The following TESK2 variants were observed in gnomAD, a reference collection of about 807,000 sequenced individuals.
TESK2 encodes testis associated actin remodelling kinase 2.
A neutral mutation model predicts 57.1 loss-of-function variants in TESK2; 39 were observed. The ratio of observed to expected loss-of-function variants is 0.68; its 90% CI spans 0.53 to 0.89. The LOEUF (loss-of-function observed/expected upper bound fraction) is 0.89, where lower values mean the gene tolerates loss of function less well. Ranked by LOEUF, TESK2 falls within the 40% of genes least tolerant of loss-of-function variation. The probability of loss-of-function intolerance (pLI) is 0.00; values close to 1 mark genes in which losing one functional copy is unlikely to be tolerated. For missense variants in TESK2, 646 were observed against 732.1 expected, an observed-to-expected ratio of 0.88 and a Z score of 1.36; for synonymous variants, 249 against 267.9, an observed-to-expected ratio of 0.93 and a Z score of 0.69.
chr1:45,390,759 A>G (rs569684028), intron 3 of TESK2, among the ~76,000 whole-genome samples: 119 of 149,284 alleles, frequency 8.0e-4, no homozygotes, highest in Non-Finnish European at 9.0e-4. Context: ...TATTATTATT[A>G]TTATTGTTAT....
At chr1:45,401,622 A>AC (rs1257121291) in intron 3 of TESK2, among the ~76,000 whole-genome samples, 1 of 151,884 alleles carries the variant, frequency 6.6e-6, no homozygotes, top group Non-Finnish European at 1.5e-5. Flanking sequence ...AGATGAAATT[A>AC]CCCCCACTTT....
intron 2 of TESK2, among the ~76,000 whole-genome samples, chr1:45,438,272 G>A (rs747356787): frequency 3.7e-4 from 57 of 152,142 alleles, no homozygotes; most frequent in Admixed American, 7.9e-4. Context: ...GAGGCAGGTG[G>A]ATCACCTGAG....
At chr1:45,455,311 C>T (rs1652025575) in intron 2 of TESK2, among the ~76,000 whole-genome samples, 1 of 152,158 alleles carries the variant, frequency 6.6e-6, no homozygotes, top group Non-Finnish European at 1.5e-5. Flanking sequence ...TTTGAAGTCC[C>T]CCACAGAGGA....
intron 2 of TESK2, among the ~76,000 whole-genome samples, chr1:45,447,014 T>C (rs1419013132): frequency 6.6e-6 from 1 of 152,194 alleles, no homozygotes; most frequent in Non-Finnish European, 1.5e-5. Context: ...GCCCAGGAGT[T>C]AGAGACCAGC....
rs1647114947 is a variant in TESK2, at chr1:45,344,846, A to T, written c.1710T>A (p.Asp570Glu). 3 of 1,612,104 alleles carry T rather than the reference A, an allele frequency of 1.9e-6. No individual in the cohort carries two copies. The highest frequency in any genetic ancestry group is 2.7e-5 in the African/African-American group (2 of 74,884). Residue 570 changes from aspartate to glutamate, a missense_variant, in exon 11 of 11, where the codon GAT becomes GAA. Transcript: ENST00000372086. ...AGGCAGGGACTAAACCCCCTCACCC[A>T]TCCTGCTTTCCCTGGGTTTGCAGGC... ...GIGLQTQGKQ[D>E]G
chr1:45,392,440 C>T (rs1035894395), intron 3 of TESK2, among the ~76,000 whole-genome samples: 1 of 151,424 alleles, frequency 6.6e-6, no homozygotes, highest in African/African-American at 2.4e-5. Flanking sequence ...CGGTGGCTCA[C>T]GCCTGTAATC....
At chr1:45,443,433 T>TG (rs11410734) in intron 2 of TESK2, among the ~76,000 whole-genome samples, 80,313 of 150,938 alleles carry the variant, frequency 0.53, 21,813 homozygotes, top group African/African-American at 0.65. Flanking sequence ...TAGCCGAACA[T>TG]GTGGTGCATG....
chr1:45,415,096 T>C (rs1650186649), intron 3 of TESK2: 1 of 1,429,466 alleles, frequency 7.0e-7, no homozygotes, highest in African/African-American at 1.4e-5. Context: ...TTCGAGCTGT[T>C]TGCAGACAAG....
intron 4 of TESK2, among the ~76,000 whole-genome samples, chr1:45,363,721 TTC>T (rs1441525388): frequency 6.6e-6 from 1 of 152,054 alleles, no homozygotes. Context: ...TTAGTAATTA[TTC>T]TTTTTTTTTT....
At chr1:45,468,443 A>C (rs1557585324) in intron 1 of TESK2, among the ~76,000 whole-genome samples, 1 of 152,216 alleles carries the variant, frequency 6.6e-6, no homozygotes, top group Non-Finnish European at 1.5e-5. Context: ...AATGGCTGTC[A>C]ATTTATTCTG....
chr1:45,399,313 T>A (rs1649501879), intron 3 of TESK2, among the ~76,000 whole-genome samples: 1 of 151,928 alleles, frequency 6.6e-6, no homozygotes, highest in Admixed American at 6.6e-5. Flanking sequence ...CACACCCAGC[T>A]AATTTTTGTA....
At chr1:45,410,251 A>G (rs925243707) in intron 3 of TESK2, among the ~76,000 whole-genome samples, 28 of 152,148 alleles carry the variant, frequency 1.8e-4, no homozygotes, top group Admixed American at 6.5e-5. Context: ...CCAGGATTAC[A>G]ATGATAAAAT....
At chr1:45,421,287 G>A (rs1028585432) in intron 3 of TESK2, among the ~76,000 whole-genome samples, 1 of 152,058 alleles carries the variant, frequency 6.6e-6, no homozygotes, top group East Asian at 1.9e-4. Context: ...GGCAAAATGT[G>A]TCTCCTCAAG....
intron 2 of TESK2, among the ~76,000 whole-genome samples, chr1:45,429,659 G>A (rs1226626566): frequency 6.6e-6 from 1 of 152,138 alleles, no homozygotes; most frequent in East Asian, 1.9e-4. Flanking sequence ...GGAGTTACCC[G>A]TGCTAAAGTT....
At chr1:45,386,162 T>C (rs987716811) in intron 3 of TESK2, among the ~76,000 whole-genome samples, 1 of 151,790 alleles carries the variant, frequency 6.6e-6, no homozygotes, top group Non-Finnish European at 1.5e-5. Flanking sequence ...CTGGCCAACA[T>C]GGTGAAACCA....
intron 3 of TESK2, among the ~76,000 whole-genome samples, chr1:45,387,645 A>T (rs933734861): frequency 2.6e-5 from 4 of 152,216 alleles, no homozygotes; most frequent in Admixed American, 1.3e-4. Flanking sequence ...CAAATTCAGT[A>T]AATGATTGCT....
chr1:45,388,399 A>T (rs1648984670), intron 3 of TESK2, among the ~76,000 whole-genome samples: 1 of 152,216 alleles, frequency 6.6e-6, no homozygotes, highest in South Asian at 2.1e-4. Flanking sequence ...AAAATATGAT[A>T]AGCTACATTT....
intron 2 of TESK2, among the ~76,000 whole-genome samples, chr1:45,445,224 C>T (rs1651600713): frequency 6.6e-6 from 1 of 152,090 alleles, no homozygotes; most frequent in African/African-American, 2.4e-5. Flanking sequence ...AACCAATCAG[C>T]ACTCCCCAAT....
At chr1:45,462,885 C>T (rs534086384) in intron 1 of TESK2, among the ~76,000 whole-genome samples, 2 of 152,178 alleles carry the variant, frequency 1.3e-5, no homozygotes, top group East Asian at 1.9e-4. Flanking sequence ...CTCTTCTCCA[C>T]ATCTTGGTTA....
Sources: allele counts gnomAD v4.1 joint callset (sites outside exome capture counted in the v4.1 genomes callset), GRCh38; gene constraint gnomAD v4.1.1; transcripts MANE v1.5; gene names NCBI Gene and HGNC (gene_info 2026-07-23, HGNC 2026-07-21).